Variants in MYLK observed in about 807,000 individuals in gnomAD.
MYLK encodes myosin light chain kinase, also known as myosin light chain kinase, smooth muscle.
A neutral mutation model predicts 203.4 loss-of-function variants in MYLK; 106 were observed. The observed-to-expected ratio is 0.52, with a 90% CI of 0.45 to 0.61. MYLK has a LOEUF of 0.61. Among genes scored for constraint, MYLK ranks in the 20% least tolerant of loss-of-function variants. MYLK has a pLI of 0.00. For missense variants in MYLK, 2,072 were observed against 2,442.3 expected (o/e 0.85, Z 3.20); for synonymous variants, 867 against 959.5 (o/e 0.90, Z 1.78).
At chr3:123,692,313 G>A (rs1450898983) in intron 19 of MYLK, 3 of 1,151,178 alleles carry the variant, frequency 2.6e-6, no homozygotes, top group Admixed American at 3.9e-5. Flanking sequence ...CACGGACCTC[G>A]CTCTGCTCCC....
chr3:123,708,955 A>G, intron 14 of MYLK, 60 bp from the exon 15 acceptor site: 2 of 1,443,144 alleles, frequency 1.4e-6, no homozygotes, highest in Non-Finnish European at 1.9e-6. Context: ...CCATGCAGCA[A>G]CTCTGCGCTG....
intron 4 of MYLK, among the ~76,000 whole-genome samples, chr3:123,758,541 T>C (rs2063432706): frequency 6.6e-6 from 1 of 152,176 alleles, no homozygotes; most frequent in South Asian, 2.1e-4. Flanking sequence ...TCACTTCCTA[T>C]GGCATGCTTT....
intron 12 of MYLK, among the ~76,000 whole-genome samples, chr3:123,724,377 T>C (rs925064155): frequency 6.6e-6 from 1 of 152,144 alleles, no homozygotes; most frequent in Non-Finnish European, 1.5e-5. Context: ...CCTGGCCCTT[T>C]ATAGAAAATG....
chr3:123,752,940 T>C (rs1392299118), intron 4 of MYLK, among the ~76,000 whole-genome samples: 1 of 152,206 alleles, frequency 6.6e-6, no homozygotes, highest in African/African-American at 2.4e-5. Flanking sequence ...AATAAATCAC[T>C]TGGTGATCCT....
chr3:123,784,208 T>C (rs1242420693), intron 4 of MYLK, among the ~76,000 whole-genome samples: 1 of 152,156 alleles, frequency 6.6e-6, no homozygotes, highest in Non-Finnish European at 1.5e-5. Flanking sequence ...TCTGGGCCAG[T>C]GTGGCCATGT....
intron 18 of MYLK, among the ~76,000 whole-genome samples, chr3:123,699,384 C>T (rs185116685): frequency 1.3e-5 from 2 of 152,298 alleles, no homozygotes; most frequent in Non-Finnish European, 2.9e-5. Flanking sequence ...ACAAAAGTCT[C>T]ATCCAAATTA....
chr3:123,626,088 C>T lies in MYLK; in HGVS notation c.5238+730G>A, dbSNP rs147977690. The stretch of plus-strand genomic sequence containing the variant: ...CTGTAAAGTGGGGATAATAATAGTA[C>T]CTGCCTCCTAGGGTTAAAAGATTTA... On this transcript the variant is annotated intron_variant, in intron 31 of 33. Transcript: ENST00000360304. 5.3e-3 allele frequency among the ~76,000 whole-genome samples: 809 copies of T among 152,234 alleles called. 2 individuals are homozygous for T. Among genetic ancestry groups the T allele is most frequent in the Non-Finnish European group, 8.6e-3 (587 of 68,018 alleles).
intron 20 of MYLK, among the ~76,000 whole-genome samples, chr3:123,668,290 C>A (rs2059803799): frequency 6.6e-6 from 1 of 152,136 alleles, no homozygotes; most frequent in South Asian, 2.1e-4. Context: ...TAGAAGGTAT[C>A]CAAATGGATG....
intron 13 of MYLK, among the ~76,000 whole-genome samples, chr3:123,711,127 G>A (rs1303286141): frequency 6.6e-6 from 1 of 151,930 alleles, no homozygotes; most frequent in African/African-American, 2.4e-5. Context: ...GAGAGTGCAT[G>A]TTGGATGACT....
At chr3:123,631,022 A>G (rs1175537206) in intron 29 of MYLK, among the ~76,000 whole-genome samples, 1 of 152,166 alleles carries the variant, frequency 6.6e-6, no homozygotes, top group Non-Finnish European at 1.5e-5. Flanking sequence ...AAGATTCTCA[A>G]TAAGGTTTGA....
At chr3:123,794,774 A>G (rs895999880) in intron 3 of MYLK, among the ~76,000 whole-genome samples, 1 of 152,250 alleles carries the variant, frequency 6.6e-6, no homozygotes, top group African/African-American at 2.4e-5. Context: ...AATACATTTC[A>G]TCATAAAACT....
At chr3:123,709,060 G>A (rs919733486) in intron 14 of MYLK, 165 bp from the exon 15 acceptor site, 26 of 594,820 alleles carry the variant, frequency 4.4e-5, no homozygotes, top group Admixed American at 3.0e-5. Flanking sequence ...TACCTCATGG[G>A]TTTGTTGGGA....
intron 20 of MYLK, among the ~76,000 whole-genome samples, chr3:123,675,796 G>A (rs976249269): frequency 6.6e-6 from 1 of 152,160 alleles, no homozygotes; most frequent in Non-Finnish European, 1.5e-5. Flanking sequence ...GAAGGAGGTG[G>A]GGGTACCTGA....
chr3:123,796,415 T>C (rs1285978292), intron 3 of MYLK, among the ~76,000 whole-genome samples: 2 of 152,124 alleles, frequency 1.3e-5, no homozygotes, highest in African/African-American at 2.4e-5. Flanking sequence ...AGCAGTCAAA[T>C]TGGCTGATGG....
At position 123,638,112 on chromosome 3, in the gene MYLK, G is replaced by T; in HGVS notation, c.4920C>A (p.Tyr1640Ter). 6.2e-7 allele frequency: 1 copy of T among 1,614,108 alleles called. No individual in the cohort carries two copies. Among genetic ancestry groups the T allele is most frequent in the Non-Finnish European group, 8.5e-7 (1 of 1,180,018 alleles). The change falls in exon 29 of 34, where the codon TAC becomes TAA. Residue 1640 changes from tyrosine (Y) to a stop codon, truncating the protein, a stop_gained. Coordinates refer to ENST00000360304, the MANE Select transcript of MYLK (RefSeq NM_053025.4). LOFTEE classifies it high-confidence loss of function. ...PEVINYEPIG[Y>*]ATDMWSIGVI... ...CCCCGATGCTCCACATGTCTGTGGC[G>T]TAGCCGATGGGCTCATAGTTGATCA...
chr3:123,734,998 G>GTAT, intron 9 of MYLK: 1 of 327,918 alleles, frequency 3.0e-6, no homozygotes, highest in Non-Finnish European at 6.0e-6. Flanking sequence ...GCCCACCCCT[G>GTAT]CACATCCAGC....
At chr3:123,718,562 G>C (rs1337533338) in intron 13 of MYLK, among the ~76,000 whole-genome samples, 1 of 152,028 alleles carries the variant, frequency 6.6e-6, no homozygotes, top group Admixed American at 6.5e-5. Flanking sequence ...GCTACTCCTC[G>C]AATGGGTCAA....
intron 4 of MYLK, among the ~76,000 whole-genome samples, chr3:123,784,376 CTTTTTTTT>C (rs576849217): frequency 6.4e-5 from 5 of 78,662 alleles, no homozygotes; most frequent in Admixed American, 3.0e-4. Flanking sequence ...GGTTGACTTT[CTTTTTTTT>C]TTTTTTTTTT....
At chr3:123,746,879 A>G (rs1401802624) in intron 5 of MYLK, among the ~76,000 whole-genome samples, 3 of 152,216 alleles carry the variant, frequency 2.0e-5, no homozygotes, top group African/African-American at 7.2e-5. Flanking sequence ...GCATTTATAA[A>G]GAACATAAAT....
Sources: allele counts gnomAD v4.1 joint callset (sites outside exome capture counted in the v4.1 genomes callset), GRCh38; gene constraint gnomAD v4.1.1; transcripts MANE v1.5; gene names NCBI Gene and HGNC (gene_info 2026-07-23, HGNC 2026-07-21).